Variants in FBXW4 observed in about 807,000 individuals in gnomAD.
The protein encoded by FBXW4 is F-box and WD repeat domain containing 4.
In FBXW4, 40 loss-of-function variants were observed where a neutral mutation model predicts 61.8. The observed-to-expected ratio is 0.65, with a 90% CI of 0.50 to 0.84. The LOEUF is 0.84. Among genes scored for constraint, FBXW4 ranks in the 40% least tolerant of loss-of-function variants. The pLI is 0.00. For synonymous variants in FBXW4, 311 were observed against 313.8 expected (o/e 0.99, Z 0.10); for missense variants, 672 against 753.8 (o/e 0.89, Z 1.27).
At chr10:101,688,350 GA>G (rs2064554507) in intron 1 of FBXW4, among the ~76,000 whole-genome samples, 1 of 152,200 alleles carries the variant, frequency 6.6e-6, no homozygotes. Flanking sequence ...CAAAAAAGAA[GA>G]GGAAGAAGAA....
At chr10:101,633,173 A>G (rs1464720192) in intron 5 of FBXW4, among the ~76,000 whole-genome samples, 1 of 152,258 alleles carries the variant, frequency 6.6e-6, no homozygotes, top group Admixed American at 6.5e-5. Context: ...GGAAGTATAA[A>G]TTAGTTCAAC....
At chr10:101,687,940 A>C (rs1257216683) in intron 1 of FBXW4, among the ~76,000 whole-genome samples, 1 of 152,238 alleles carries the variant, frequency 6.6e-6, no homozygotes, top group African/African-American at 2.4e-5. Flanking sequence ...GGGCACAGGC[A>C]ATATCTCTCT....
rs1489080211 is a variant in FBXW4, at chr10:101,694,500, G to A, written c.606C>T (p.Ala202=). ...GGCACACCTGGGCCAGGCGGCCGAG[G>A]GCCCGCATGTCCAGGTAGGAGCAGA... is the stretch of plus-strand genomic sequence containing the variant. ...LLICSYLDMR[A]LGRLAQVCRW... Residue 202 remains alanine, a synonymous_variant, in exon 1 of 9, where the codon GCC becomes GCT. Coordinates refer to ENST00000331272, the MANE Select transcript of FBXW4 (RefSeq NM_022039.4). The surrounding 1 kb of genome is among the most constrained non-coding windows in gnomAD (Gnocchi z 6.0). 3 of 1,522,066 alleles carry A rather than the reference G, an allele frequency of 2.0e-6. No individual in the cohort carries two copies. The highest frequency in any genetic ancestry group is 1.4e-5 in the African/African-American group (1 of 69,878). 94.3% of individuals were successfully genotyped at this position (1,522,066 alleles called of 1,614,324 possible).
chr10:101,611,939 C>T lies in FBXW4; in HGVS notation c.1443-170G>A, dbSNP rs1233663262. On this transcript the variant is annotated intron_variant, in intron 7 of 8. Coordinates refer to ENST00000331272, the MANE Select transcript of FBXW4 (RefSeq NM_022039.4). The surrounding 1 kb of genome is among the most constrained non-coding windows in gnomAD (Gnocchi z 4.9). ...AAAAACCGAACTTCATGGGAGAAAG[C>T]ATCTTCTGTAGAGGGCTCTCGCCAT... Among the ~76,000 whole-genome samples the T allele has an allele frequency of 2.6e-5, 4 of 152,254 alleles. No individual in the cohort carries two copies. Among genetic ancestry groups the T allele is most frequent in the African/African-American group, 9.6e-5 (4 of 41,470 alleles).
intron 5 of FBXW4, among the ~76,000 whole-genome samples, chr10:101,634,780 T>C (rs1328147453): frequency 2.7e-5 from 4 of 148,998 alleles, no homozygotes; most frequent in African/African-American, 1.0e-4. Flanking sequence ...TGAAAACCCA[T>C]AAAGGTCTAA....
chr10:101,641,041 G>C (rs2064048289), intron 5 of FBXW4, among the ~76,000 whole-genome samples: 1 of 151,908 alleles, frequency 6.6e-6, no homozygotes, highest in South Asian at 2.1e-4. Flanking sequence ...ATGTTGGCCA[G>C]GCTGGTGTCG....
intron 5 of FBXW4, among the ~76,000 whole-genome samples, chr10:101,659,028 A>C (rs969621676): frequency 1.6e-4 from 25 of 151,878 alleles, no homozygotes; most frequent in Non-Finnish European, 1.2e-4. Flanking sequence ...ATCAAACCCC[A>C]AGCCGAAGCA....
At chr10:101,691,669 A>G (rs76464262) in intron 1 of FBXW4, among the ~76,000 whole-genome samples, 2,472 of 152,164 alleles carry the variant, frequency 0.016, 63 homozygotes, top group East Asian at 0.061. Flanking sequence ...CATTCACTCA[A>G]TCTCTATATG....
At chr10:101,642,576 TC>T (rs2134847173) in intron 5 of FBXW4, among the ~76,000 whole-genome samples, 1 of 151,666 alleles carries the variant, frequency 6.6e-6, no homozygotes, top group Non-Finnish European at 1.5e-5. Context: ...CTATAAAACC[TC>T]CCCTCCATCC....
At chr10:101,673,108 C>T in intron 3 of FBXW4, 61 bp from the exon 4 acceptor site, 1 of 1,576,788 alleles carries the variant, frequency 6.3e-7, no homozygotes, top group East Asian at 2.2e-5. Context: ...AGAAAGAGAA[C>T]AACTCTCCAG....
intron 6 of FBXW4, among the ~76,000 whole-genome samples, chr10:101,618,867 G>A (rs1486620268): frequency 6.6e-6 from 1 of 151,774 alleles, no homozygotes; most frequent in African/African-American, 2.4e-5. Flanking sequence ...ACCAGTGCTA[G>A]GTCCATCTCA....
intron 5 of FBXW4, 37 bp downstream of exon 5, chr10:101,667,849 T>C (rs940155996): frequency 2.6e-5 from 41 of 1,551,614 alleles, no homozygotes; most frequent in African/African-American, 4.1e-5. Context: ...AGCATTATTA[T>C]ACAGGACAAA....
At chr10:101,658,638 C>A (rs1314888787) in intron 5 of FBXW4, among the ~76,000 whole-genome samples, 1 of 152,092 alleles carries the variant, frequency 6.6e-6, no homozygotes, top group Non-Finnish European at 1.5e-5. Flanking sequence ...CTCCAAGTGG[C>A]CTGAGAGCCA....
chr10:101,622,793 T>C (rs566082729), intron 6 of FBXW4: 7 of 150,894 alleles, frequency 4.6e-5, no homozygotes, highest in South Asian at 2.1e-4. Flanking sequence ...AATCACATAT[T>C]TGACAAAGGA....
chr10:101,659,682 G>A (rs2064224230), intron 5 of FBXW4, among the ~76,000 whole-genome samples: 1 of 152,162 alleles, frequency 6.6e-6, no homozygotes, highest in Non-Finnish European at 1.5e-5. Context: ...AGAAACCTGA[G>A]GTTGTAGTAG....
intron 5 of FBXW4, among the ~76,000 whole-genome samples, chr10:101,649,654 C>G (rs1268335380): frequency 6.6e-6 from 1 of 152,180 alleles, no homozygotes; most frequent in African/African-American, 2.4e-5. Flanking sequence ...GCTTCTTTCT[C>G]CTTGTCAGGC....
chr10:101,660,694 TA>T (rs1464920926), intron 5 of FBXW4, among the ~76,000 whole-genome samples: 1 of 152,162 alleles, frequency 6.6e-6, no homozygotes, highest in Non-Finnish European at 1.5e-5. Context: ...CAGCAGCAGC[TA>T]AAGCAGGAAA....
chr10:101,638,070 C>T (rs377613888), intron 5 of FBXW4, among the ~76,000 whole-genome samples: 32 of 152,228 alleles, frequency 2.1e-4, no homozygotes, highest in African/African-American at 7.5e-4. Flanking sequence ...CTTTTTGGTG[C>T]GCTTCCTCCT....
intron 4 of FBXW4, among the ~76,000 whole-genome samples, chr10:101,670,499 G>A (rs2064349030): frequency 6.6e-6 from 1 of 152,186 alleles, no homozygotes; most frequent in African/African-American, 2.4e-5. Flanking sequence ...AGCCAGATGT[G>A]ATCTGATCTC....
Sources: gnomAD v4.1 joint callset for allele counts (sites outside exome capture counted in the v4.1 genomes callset) on GRCh38, gnomAD v4.1.1 for gene constraint, Gnocchi (gnomAD v3.1) non-coding constraint, MANE v1.5 for transcripts, NCBI Gene and HGNC (gene_info 2026-07-23, HGNC 2026-07-21) for gene names.